SIDT1: variants seen among roughly 807,000 people sequenced by gnomAD.
SIDT1 encodes the protein SID1 transmembrane family, member 1.
A neutral mutation model predicts 107.5 loss-of-function variants in SIDT1; 101 were observed. The observed-to-expected ratio is 0.94, with a 90% CI of 0.80 to 1.11. The LOEUF is 1.11. SIDT1 is among the 50% of genes least tolerant of loss of function. The pLI, the probability that SIDT1 is intolerant of heterozygous loss-of-function variation, is 0.00. For missense variants in SIDT1, 1,076 were observed against 1,058.2 expected (o/e 1.02, Z -0.23); for synonymous variants, 395 against 398.2 (o/e 0.99, Z 0.10).
At chr3:113,576,867 A>T in intron 3 of SIDT1, 55 bp from the exon 4 acceptor site, 1 of 1,566,750 alleles carries the variant, frequency 6.4e-7, no homozygotes, top group Non-Finnish European at 8.8e-7. Context: ...TTGCTCACTA[A>T]CTTATGCTTT....
intron 18 of SIDT1, 129 bp from the exon 19 acceptor site, chr3:113,611,957 C>A: frequency 1.5e-6 from 1 of 645,856 alleles, no homozygotes; most frequent in Non-Finnish European, 2.7e-6. Context: ...TGGGAGTTTC[C>A]AGAGGGGGAG....
intron 21 of SIDT1, 138 bp from the exon 22 acceptor site, chr3:113,623,289 A>C (rs1285037070): frequency 3.9e-6 from 2 of 516,314 alleles, no homozygotes; most frequent in Admixed American, 7.4e-5. Context: ...TTTAAAAAAA[A>C]ATAAAATGAA....
chr3:113,612,167 A>C lies in SIDT1; in HGVS notation c.1939A>C (p.Ile647Leu), dbSNP rs777487992. ...GGCCTCGCTAGCCCTCAGCACCCAG[A>C]TATATTATATGGGTCGTTTCAAGAT... is the stretch of plus-strand genomic sequence containing the variant. ...VLASLALSTQ[I>L]YYMGRFKIDL... Residue 647 changes from isoleucine (I) to leucine (L), a missense_variant, in exon 19 of 25, where the codon ATA (isoleucine) becomes CTA (leucine). Transcript: ENST00000264852. 7.4e-6 allele frequency: 12 copies of C among 1,613,702 alleles called. No homozygotes were observed. The highest frequency in any genetic ancestry group is 1.6e-4 in the Middle Eastern group (1 of 6,080).
At chr3:113,557,807 A>G (rs375792976) in intron 1 of SIDT1, among the ~76,000 whole-genome samples, 12 of 152,358 alleles carry the variant, frequency 7.9e-5, no homozygotes, top group African/African-American at 2.4e-4. Context: ...ACCTGATGAC[A>G]CAGAATCAAG....
At chr3:113,587,496 G>T (rs1264290759) in intron 9 of SIDT1, among the ~76,000 whole-genome samples, 2 of 152,278 alleles carry the variant, frequency 1.3e-5, no homozygotes, top group East Asian at 3.9e-4. Flanking sequence ...CCTGCTGTGT[G>T]CCAGGCTCTG....
At chr3:113,538,338 G>A (rs552681412) in intron 1 of SIDT1, among the ~76,000 whole-genome samples, 4 of 152,312 alleles carry the variant, frequency 2.6e-5, no homozygotes, top group Admixed American at 6.5e-5. Context: ...TGATGTTATG[G>A]AGGAGCTGCC....
chr3:113,533,728 G>C (rs1028387239), intron 1 of SIDT1, among the ~76,000 whole-genome samples: 3 of 152,170 alleles, frequency 2.0e-5, no homozygotes, highest in Non-Finnish European at 2.9e-5. Flanking sequence ...TGTGAAAATG[G>C]ACGGAAGCTG....
rs750227643 is a variant in SIDT1 at position 113,611,031 on chromosome 3, G to A, written c.1744G>A (p.Ala582Thr). The change falls in exon 18 of 25, where the codon GCT becomes ACT. Residue 582 changes from alanine to threonine, a missense_variant. Coordinates refer to ENST00000264852, the MANE Select transcript of SIDT1 (RefSeq NM_017699.3). Reference protein sequence around the residue: ...QFDTSFMYMIAGLCMLKLYQT... With the variant: ...QFDTSFMYMITGLCMLKLYQT... Reference sequence around the variant, plus strand: ...AGACACCTCCTTCATGTACATGATCGCTGGCCTGTGCATGCTGAAGCTCTA... The same window carrying A: ...AGACACCTCCTTCATGTACATGATCACTGGCCTGTGCATGCTGAAGCTCTA... 24 of 1,613,566 alleles carry A rather than the reference G, an allele frequency of 1.5e-5. No homozygotes were observed. Among genetic ancestry groups the A allele is most frequent in the South Asian group, 3.3e-5 (3 of 91,040 alleles).
chr3:113,605,153 C>T (rs550712386), intron 14 of SIDT1, among the ~76,000 whole-genome samples, 177 bp downstream of exon 14: 13 of 72,186 alleles, frequency 1.8e-4, no homozygotes, highest in African/African-American at 4.2e-4. Context: ...GACGGAGTCT[C>T]GCTCTGTCAC....
At chr3:113,626,017 C>G (rs1008155191) in intron 23 of SIDT1, 85 bp from the exon 24 acceptor site, 4 of 897,008 alleles carry the variant, frequency 4.5e-6, no homozygotes, top group Admixed American at 3.6e-5. Flanking sequence ...CATCTAGTAG[C>G]GTTTTTGTGG....
intron 21 of SIDT1, among the ~76,000 whole-genome samples, chr3:113,622,811 G>T (rs1946556616): frequency 1.3e-5 from 2 of 152,184 alleles, no homozygotes; most frequent in Non-Finnish European, 2.9e-5. Context: ...GGGGAAAGAT[G>T]ATTGTTTACA....
At chr3:113,567,889 G>T (rs114314351) in intron 3 of SIDT1, 179 bp downstream of exon 3, 7,422 of 586,572 alleles carry the variant, frequency 0.013, 99 homozygotes, top group Middle Eastern at 0.015. Flanking sequence ...CTATACAAAA[G>T]AGTGGGAGTG....
chr3:113,632,581 CATCTCTGTTCACTTACATAGA>C (rs1255178022), downstream of SIDT1: 8 of 152,214 alleles, frequency 5.3e-5, no homozygotes, highest in African/African-American at 1.9e-4. Context: ...CCTCTCATCA[CATCTCTGTTCACTTACATAGA>C]ATCAGAAATA....
intron 20 of SIDT1, among the ~76,000 whole-genome samples, chr3:113,618,683 G>T (rs1299909080): frequency 6.6e-6 from 1 of 152,136 alleles, no homozygotes; most frequent in Admixed American, 6.6e-5. Context: ...AAAAGACAAA[G>T]AATTACTACT....
chr3:113,614,660 G>A (rs1945981005), intron 19 of SIDT1, among the ~76,000 whole-genome samples: 1 of 152,220 alleles, frequency 6.6e-6, no homozygotes, highest in African/African-American at 2.4e-5. Flanking sequence ...AGGAAAGGCA[G>A]CAGCAATGAG....
chr3:113,584,964 C>A (rs1943633579), intron 8 of SIDT1, among the ~76,000 whole-genome samples, 195 bp downstream of exon 8: 1 of 152,186 alleles, frequency 6.6e-6, no homozygotes, highest in Admixed American at 6.5e-5. Flanking sequence ...ATCGTGAAGT[C>A]CCTTCCCAGC....
chr3:113,573,766 C>G (rs1250922313), intron 3 of SIDT1, among the ~76,000 whole-genome samples: 5 of 152,150 alleles, frequency 3.3e-5, no homozygotes, highest in Non-Finnish European at 7.3e-5. Flanking sequence ...GAAGCAGGCT[C>G]TCATCAGACA....
intron 21 of SIDT1, among the ~76,000 whole-genome samples, chr3:113,622,577 G>A (rs1388684504): frequency 6.6e-6 from 1 of 150,982 alleles, no homozygotes; most frequent in Non-Finnish European, 1.5e-5. Context: ...TTAAAGCTGA[G>A]TCCAACCAAA....
At chr3:113,625,662 C>T (rs961301373) in intron 23 of SIDT1, among the ~76,000 whole-genome samples, 10 of 152,162 alleles carry the variant, frequency 6.6e-5, no homozygotes, top group African/African-American at 2.4e-4. Flanking sequence ...TGTTGAGCAC[C>T]TTTTCATATG....
Sources: allele counts gnomAD v4.1 joint callset (sites outside exome capture counted in the v4.1 genomes callset), GRCh38; gene constraint gnomAD v4.1.1; transcripts MANE v1.5; gene names NCBI Gene and HGNC (gene_info 2026-07-23, HGNC 2026-07-21).